The following ANKRD12 variants were observed in gnomAD, a reference collection of about 807,000 sequenced individuals.
ANKRD12 encodes ankyrin repeat domain-containing protein 12.
In ANKRD12, 85 loss-of-function variants were observed where a neutral mutation model predicts 183.4. The observed-to-expected ratio is 0.46, with a 90% CI of 0.39 to 0.56. ANKRD12 has a LOEUF of 0.56. Ranked by LOEUF, ANKRD12 falls within the 20% of genes least tolerant of loss-of-function variation. The probability of loss-of-function intolerance (pLI) is 0.00; values close to 1 mark genes in which losing one functional copy is unlikely to be tolerated. For missense variants in ANKRD12, 2,405 were observed against 2,357.1 expected (o/e 1.02, Z -0.42); for synonymous variants, 914 against 800.2 (o/e 1.14, Z -2.40).
chr18:9,239,492 C>T, intron 8 of ANKRD12: 1 of 1,282,918 alleles, frequency 7.8e-7, no homozygotes, highest in Non-Finnish European at 1.0e-6. Context: ...TTATTTTCCA[C>T]ATGGTGAATG....
At chr18:9,270,458 C>G (rs902436839) in intron 10 of ANKRD12, among the ~76,000 whole-genome samples, 2 of 152,178 alleles carry the variant, frequency 1.3e-5, no homozygotes, top group African/African-American at 4.8e-5. Context: ...AGTTTATGTC[C>G]TCTGTCGGGA....
intron 1 of ANKRD12, among the ~76,000 whole-genome samples, chr18:9,143,184 A>G (rs972757494): frequency 3.9e-5 from 6 of 152,254 alleles, no homozygotes; most frequent in Non-Finnish European, 8.8e-5. Flanking sequence ...ATGTAAGTGT[A>G]GATATCTTAA....
chr18:9,219,996 C>A (rs977157504), intron 7 of ANKRD12, among the ~76,000 whole-genome samples: 1 of 152,096 alleles, frequency 6.6e-6, no homozygotes, highest in African/African-American at 2.4e-5. Flanking sequence ...CTTTTAAAAT[C>A]GTAAGCATGT....
At chr18:9,209,975 T>C (rs1490856303) in intron 5 of ANKRD12, among the ~76,000 whole-genome samples, 2 of 152,152 alleles carry the variant, frequency 1.3e-5, no homozygotes, top group Admixed American at 6.5e-5. Flanking sequence ...AGGCATAAAC[T>C]TACAAATACG....
At chr18:9,205,233 A>G (rs746681637) in intron 4 of ANKRD12, among the ~76,000 whole-genome samples, 3 of 146,532 alleles carry the variant, frequency 2.0e-5, no homozygotes, top group African/African-American at 7.8e-5. Context: ...TGTGTTCTCT[A>G]GTATGTGACA....
rs759387137 is a variant in ANKRD12 at position 9,186,750 on chromosome 18, C to CTT, written c.87+4250_87+4251dup. 3.8e-3 allele frequency among the ~76,000 whole-genome samples: 440 copies of CTT among 117,228 alleles called. 6 individuals are homozygous for CTT. The highest frequency in any genetic ancestry group is 0.012 in the African/African-American group (375 of 30,632). The allele number at this position is 117,228 out of a possible 152,430, so 76.9% of individuals were successfully genotyped here. A position where few individuals can be genotyped will look rare whatever the true frequency, so the allele number is the denominator to read the frequency against. Reference sequence around the variant, plus strand: ...TTGCAATGTGTATTTCTTTGATTGTCTTTTTTTTTTTTTTTTTTTTGACGG... The same window carrying CTT: ...TTGCAATGTGTATTTCTTTGATTGTCTTTTTTTTTTTTTTTTTTTTTTGACGG... On this transcript the variant is annotated intron_variant, in intron 2 of 12. Coordinates refer to ENST00000262126, the MANE Select transcript of ANKRD12 (RefSeq NM_015208.5).
chr18:9,153,641 T>G (rs944102794), intron 1 of ANKRD12, among the ~76,000 whole-genome samples: 8 of 152,212 alleles, frequency 5.3e-5, no homozygotes, highest in Non-Finnish European at 7.3e-5. Context: ...ATATTTTGTT[T>G]TCTCCATTTT....
At chr18:9,177,375 T>G (rs1349696316) in intron 1 of ANKRD12, among the ~76,000 whole-genome samples, 2 of 152,182 alleles carry the variant, frequency 1.3e-5, no homozygotes, top group Admixed American at 6.5e-5. Flanking sequence ...ACATTTAGTC[T>G]TCTTAGTCTT....
At chr18:9,229,450 G>C (rs1278561389) in intron 8 of ANKRD12, among the ~76,000 whole-genome samples, 2 of 152,086 alleles carry the variant, frequency 1.3e-5, no homozygotes, top group African/African-American at 4.8e-5. Context: ...CCATTTGTTT[G>C]TGTCTGCTTC....
intron 8 of ANKRD12, among the ~76,000 whole-genome samples, chr18:9,236,768 G>C (rs1176540221): frequency 6.6e-6 from 1 of 152,170 alleles, no homozygotes; most frequent in Non-Finnish European, 1.5e-5. Context: ...AAGCCTATCA[G>C]TTTTGAAGTT....
chr18:9,245,795 C>G (rs1002874974), intron 8 of ANKRD12, among the ~76,000 whole-genome samples: 1 of 152,058 alleles, frequency 6.6e-6, no homozygotes, highest in Non-Finnish European at 1.5e-5. Flanking sequence ...TCAATATACT[C>G]AATCATGAAA....
At position 9,257,012 on chromosome 18, in the gene ANKRD12, T is replaced by C. The variant is rs757719469; in HGVS notation, c.3745T>C (p.Phe1249Leu). The C allele has an allele frequency of 6.2e-7, 1 of 1,614,136 alleles. No individual in the cohort carries two copies. Among genetic ancestry groups the C allele is most frequent in the South Asian group, 1.1e-5 (1 of 91,074 alleles). ...ESQMSFSQSP[F>L]LSIAKSPALH... is the part of the protein sequence containing the mutation. Reference sequence around the variant, plus strand: ...CCAAATGTCCTTTTCCCAGTCACCTTTTTTGTCAATTGCCAAATCTCCTGC... The same window carrying C: ...CCAAATGTCCTTTTCCCAGTCACCTCTTTTGTCAATTGCCAAATCTCCTGC... Residue 1249 changes from phenylalanine (F) to leucine (L), a missense_variant, in exon 9 of 13, where the codon TTT (phenylalanine) becomes CTT (leucine). Transcript: ENST00000262126.
chr18:9,188,803 GA>G (rs1226754173), intron 2 of ANKRD12, among the ~76,000 whole-genome samples: 1 of 152,238 alleles, frequency 6.6e-6, no homozygotes, highest in Non-Finnish European at 1.5e-5. Context: ...ACTGTATGCA[GA>G]AAAGATGGCA....
At chr18:9,192,360 A>G (rs767790680) in intron 2 of ANKRD12, among the ~76,000 whole-genome samples, 22 of 152,202 alleles carry the variant, frequency 1.4e-4, no homozygotes, top group Non-Finnish European at 2.8e-4. Context: ...GAGGTTTTCT[A>G]TCAGTGAACT....
chr18:9,174,172 C>A (rs542353070), intron 1 of ANKRD12, among the ~76,000 whole-genome samples: 1 of 152,322 alleles, frequency 6.6e-6, no homozygotes, highest in East Asian at 1.9e-4. Flanking sequence ...ACAGCTGGGT[C>A]AACTGAACTG....
intron 2 of ANKRD12, among the ~76,000 whole-genome samples, chr18:9,193,455 C>G (rs1011778105): frequency 2.0e-5 from 3 of 152,014 alleles, no homozygotes; most frequent in Non-Finnish European, 4.4e-5. Context: ...CAACAGCATT[C>G]TTTCATAACT....
At chr18:9,208,927 C>A in intron 5 of ANKRD12, 124 bp downstream of exon 5, 1 of 964,516 alleles carries the variant, frequency 1.0e-6, no homozygotes, top group Non-Finnish European at 1.5e-6. Flanking sequence ...ATCAGAATTA[C>A]TTGTAAGTCA....
intron 10 of ANKRD12, among the ~76,000 whole-genome samples, chr18:9,268,081 C>T (rs1184228236): frequency 6.6e-6 from 1 of 152,118 alleles, no homozygotes; most frequent in Non-Finnish European, 1.5e-5. Context: ...GAAGTTGAAT[C>T]TCTGAATAGA....
intron 9 of ANKRD12, among the ~76,000 whole-genome samples, chr18:9,262,668 C>T (rs749516898): frequency 1.3e-5 from 2 of 151,542 alleles, no homozygotes; most frequent in African/African-American, 2.4e-5. Context: ...CAATATGTTG[C>T]CCAGGCTGGT....
Sources: gnomAD v4.1 joint callset for allele counts (sites outside exome capture counted in the v4.1 genomes callset) on GRCh38, gnomAD v4.1.1 for gene constraint, MANE v1.5 for transcripts, NCBI Gene and HGNC (gene_info 2026-07-23, HGNC 2026-07-21) for gene names.